ZNF160: variants seen among roughly 807,000 people sequenced by gnomAD.
ZNF160 encodes zinc finger protein 160, also known as KRAB zinc finger protein KR18.
In ZNF160, 9 loss-of-function variants were observed where a neutral mutation model predicts 13.1. That is an observed-to-expected ratio of 0.69 (90% CI 0.41 to 1.20). The LOEUF (loss-of-function observed/expected upper bound fraction) is 1.20. Ranked by LOEUF, ZNF160 falls within the 50% of genes most tolerant of loss-of-function variation. The probability of loss-of-function intolerance (pLI) is 0.01; values close to 1 mark genes in which losing one functional copy is unlikely to be tolerated. For synonymous variants in ZNF160, 293 were observed against 333.2 expected, an observed-to-expected ratio of 0.88 and a Z score of 1.31; for missense variants, 838 against 988.0, an observed-to-expected ratio of 0.85 and a Z score of 2.04.
rs149354770 is a variant in ZNF160, at chr19:53,077,979, C to T, written c.16-2796G>A. ...CACTAGAGCCAGGCGTGATGGCTCACGCCTGTAATCCCAGCACTTTGGGAG... is the reference window on the plus strand; with the variant it reads ...CACTAGAGCCAGGCGTGATGGCTCATGCCTGTAATCCCAGCACTTTGGGAG... On this transcript the variant is annotated intron_variant, in intron 3 of 5. Transcript: ENST00000683776. Among the ~76,000 whole-genome samples the T allele has an allele frequency of 1.7e-4, 26 of 152,240 alleles. No individual in the cohort carries two copies. In the East Asian group the frequency reaches 4.1e-3, roughly 24 times the overall value.
chr19:53,085,170 C>A (rs939297588), intron 3 of ZNF160: 2 of 985,404 alleles, frequency 2.0e-6, no homozygotes, highest in East Asian at 2.3e-4. Context: ...CACCTGTCTT[C>A]ATTCCCAGCA....
chr19:53,070,748 A>G (rs970283342), intron 5 of ZNF160, among the ~76,000 whole-genome samples: 5 of 152,148 alleles, frequency 3.3e-5, no homozygotes, highest in African/African-American at 9.7e-5. Flanking sequence ...AAATGCAGTT[A>G]CATGTAATTC....
rs1459615470 is a variant in ZNF160, at chr19:53,068,172, G to A, written c.2362C>T (p.Arg788Cys). ...TTGCCACACTCATTACATTTGTAAC[G>A]CTTTTCTCCAGTGTGGATTGCCATA... ...THMAIHTGEK[R>C]YKCNECGKVF... Residue 788 changes from arginine to cysteine, a missense_variant, in exon 6 of 6, where the codon CGT (arginine) becomes TGT (cysteine). Transcript: ENST00000683776. The A allele has an allele frequency of 5.0e-6, 8 of 1,614,010 alleles. No homozygotes were observed. The highest frequency in any genetic ancestry group is 2.7e-5 in the African/African-American group (2 of 74,888).
intron 4 of ZNF160, 108 bp from the exon 5 acceptor site, chr19:53,074,376 T>C (rs1479560454): frequency 3.3e-6 from 5 of 1,493,302 alleles, no homozygotes; most frequent in Non-Finnish European, 4.5e-6. Flanking sequence ...CTTCAAAAAT[T>C]CATCCACTGG....
intron 3 of ZNF160, among the ~76,000 whole-genome samples, chr19:53,077,967 C>T (rs184507797): frequency 2.5e-4 from 38 of 152,168 alleles, no homozygotes; most frequent in Admixed American, 1.6e-3. Flanking sequence ...TAGAGCCAGG[C>T]GTGATGGCTC....
At chr19:53,074,085 C>A in intron 5 of ZNF160, 55 bp downstream of exon 5, 8 of 1,572,130 alleles carry the variant, frequency 5.1e-6, no homozygotes, top group Non-Finnish European at 5.2e-6. Context: ...CTACTGTGCC[C>A]CCTCCCACAC....
Position 53,069,997 on chromosome 19 carries a change from ATTGTTCATAAGC to A in ZNF160, c.525_536del (p.Lys175_Asn178del), listed in dbSNP as rs2084107346. ...GAGAATGAAAGCTTACTCCAAGCTG[ATTGTTCATAAGC>A]TTGTTTTCTATGTCTCTTCTGTCGC... On this transcript the variant is annotated inframe_deletion, in exon 6 of 6. Transcript: ENST00000683776. This position sits in a 1 kb window ranked among gnomAD's most constrained non-coding sequence, Gnocchi z 4.4. 1.2e-6 allele frequency: 2 copies of A among 1,614,088 alleles called. No individual in the cohort carries two copies. Among genetic ancestry groups the A allele is most frequent in the Admixed American group, 1.7e-5 (1 of 60,000 alleles).
At chr19:53,078,634 T>G (rs1407329934) in intron 3 of ZNF160, among the ~76,000 whole-genome samples, 1 of 151,514 alleles carries the variant, frequency 6.6e-6, no homozygotes, top group African/African-American at 2.4e-5. Flanking sequence ...AAAAGAAAAA[T>G]GAACAAATGA....
chr19:53,085,153 A>G (rs1263774823), intron 3 of ZNF160: 1 of 985,132 alleles, frequency 1.0e-6, no homozygotes, highest in East Asian at 1.1e-4. Flanking sequence ...GAGAAAGTTA[A>G]AAGATCCACC....
chr19:53,102,366 TCACCAGCTGTCCC>T (rs2085477360), intron 1 of ZNF160, among the ~76,000 whole-genome samples: 1 of 152,176 alleles, frequency 6.6e-6, no homozygotes, highest in Non-Finnish European at 1.5e-5. Context: ...GCTCGCCTTG[TCACCAGCTGTCCC>T]CTCCAGCTGT....
At position 53,066,734 on chromosome 19, in the gene ZNF160, C is replaced by G. The variant is rs1187301224; in HGVS notation, c.*1343G>C. The stretch of plus-strand genomic sequence containing the variant: ...GAGTTCTACTAAAGAATATGTTACT[C>G]TACTTCTGTTGATTAAACTCTTCAC... On this transcript the variant is annotated 3_prime_UTR_variant, in exon 6 of 6. Coordinates refer to ENST00000683776, the MANE Select transcript of ZNF160 (RefSeq NM_001322131.2). 2.6e-5 allele frequency: 4 copies of G among 152,160 alleles called. No individual in the cohort carries two copies. Among genetic ancestry groups the G allele is most frequent in the Non-Finnish European group, 5.9e-5 (4 of 68,022 alleles). The allele number at this position is 152,160 out of a possible 1,614,324, so 9.4% of individuals were successfully genotyped here.
chr19:53,087,507 G>A (rs2084882558), intron 2 of ZNF160, among the ~76,000 whole-genome samples: 1 of 152,124 alleles, frequency 6.6e-6, no homozygotes, highest in Non-Finnish European at 1.5e-5. Context: ...GACTGCAGGG[G>A]TGAATATGTT....
intron 5 of ZNF160, among the ~76,000 whole-genome samples, 177 bp from the exon 6 acceptor site, chr19:53,070,439 C>G (rs1389767280): frequency 6.6e-6 from 1 of 150,558 alleles, no homozygotes; most frequent in African/African-American, 2.4e-5. Context: ...GAGACGGAGT[C>G]TCGCTCTGTC....
intron 1 of ZNF160, among the ~76,000 whole-genome samples, chr19:53,100,829 G>T (rs1032841899): frequency 8.0e-5 from 12 of 149,264 alleles, no homozygotes; most frequent in Admixed American, 8.0e-4. Context: ...CTAAAAATAC[G>T]AAAATTAGCC....
At chr19:53,102,640 C>G (rs1231600599) in intron 1 of ZNF160, among the ~76,000 whole-genome samples, 1 of 152,222 alleles carries the variant, frequency 6.6e-6, no homozygotes, top group African/African-American at 2.4e-5. Context: ...GGGTCTCCCT[C>G]ATTTTTCTTT....
intron 1 of ZNF160, among the ~76,000 whole-genome samples, chr19:53,094,590 C>T (rs567078777): frequency 5.9e-5 from 9 of 152,244 alleles, no homozygotes; most frequent in Non-Finnish European, 1.2e-4. Context: ...GAGTTTTTCA[C>T]TTAAATCGTT....
intron 5 of ZNF160, chr19:53,072,769 C>A: frequency 5.2e-6 from 1 of 191,236 alleles, no homozygotes; most frequent in Non-Finnish European, 9.6e-6. Context: ...GAGAATCTCT[C>A]GAACCCAGGA....
Position 53,067,271 on chromosome 19 carries a change from T to C in ZNF160, c.*806A>G, listed in dbSNP as rs1264328833. ...TAAGGTCTTGGCCTGCTCCATTTCATGTTCAGTTGATAGACCATTTCTTTC... is the reference window on the plus strand; with the variant it reads ...TAAGGTCTTGGCCTGCTCCATTTCACGTTCAGTTGATAGACCATTTCTTTC... On this transcript the variant is annotated 3_prime_UTR_variant, in exon 6 of 6. Transcript: ENST00000683776. The C allele has an allele frequency of 6.6e-6, 1 of 152,214 alleles. No homozygotes were observed. The highest frequency in any genetic ancestry group is 2.4e-5 in the African/African-American group (1 of 41,462). The allele number at this position is 152,214 out of a possible 1,614,324, so 9.4% of individuals were successfully genotyped here.
rs1252919546 is a variant in ZNF160 at position 53,066,647 on chromosome 19, CATT to C, written c.*1427_*1429del. ...AACCATTCTATTTTATTAGTTAAAA[CATT>C]ATATCTATGATACATTCTGAATAAA... On this transcript the variant is annotated 3_prime_UTR_variant, in exon 6 of 6. Transcript: ENST00000683776. 4 of 152,190 alleles carry C rather than the reference CATT, an allele frequency of 2.6e-5. No individual in the cohort carries two copies. Among genetic ancestry groups the C allele is most frequent in the South Asian group, 2.1e-4 (1 of 4,832 alleles). The allele number at this position is 152,190 out of a possible 1,614,324, so 9.4% of individuals were successfully genotyped here.
Sources: gnomAD v4.1 joint callset for allele counts (sites outside exome capture counted in the v4.1 genomes callset) on GRCh38, gnomAD v4.1.1 for gene constraint, Gnocchi (gnomAD v3.1) non-coding constraint, MANE v1.5 for transcripts, NCBI Gene and HGNC (gene_info 2026-07-23, HGNC 2026-07-21) for gene names.